The following CDH18 variants were observed in gnomAD, a reference collection of about 807,000 sequenced individuals.
CDH18 encodes the protein cadherin-18.
In CDH18, 31 loss-of-function variants were observed where a neutral mutation model predicts 67.9. The ratio of observed to expected loss-of-function variants is 0.46; its 90% confidence interval spans 0.34 to 0.62. CDH18 has a LOEUF of 0.62. Ranked by LOEUF, CDH18 falls within the 20% of genes least tolerant of loss-of-function variation. The pLI, the probability that CDH18 is intolerant of heterozygous loss-of-function variation, is 0.01. For missense variants in CDH18, 890 were observed against 975.5 expected (o/e 0.91, Z 1.17); for synonymous variants, 362 against 347.2 (o/e 1.04, Z -0.48).
intron 2 of CDH18, among the ~76,000 whole-genome samples, chr5:19,894,378 C>G (rs1283064364): frequency 6.7e-6 from 1 of 150,230 alleles, no homozygotes; most frequent in Non-Finnish European, 1.5e-5. Context: ...TTTCACATGT[C>G]TACTGAGTAT....
At chr5:20,359,085 C>CA (rs1741875477) in intron 1 of CDH18, among the ~76,000 whole-genome samples, 3 of 151,940 alleles carry the variant, frequency 2.0e-5, no homozygotes, top group Non-Finnish European at 4.4e-5. Flanking sequence ...GAGTGTGCCA[C>CA]CATGCCTAGC....
intron 2 of CDH18, among the ~76,000 whole-genome samples, chr5:19,975,316 T>C (rs537138980): frequency 6.6e-6 from 1 of 152,254 alleles, no homozygotes; most frequent in South Asian, 2.1e-4. Context: ...AATATACTTT[T>C]ATGTGTCATA....
At chr5:20,501,718 TG>T (rs1754340071) in intron 1 of CDH18, among the ~76,000 whole-genome samples, 1 of 4,496 alleles carries the variant, frequency 2.2e-4, no homozygotes, top group Non-Finnish European at 1.3e-3. Context: ...CTTAAGGATT[TG>T]TGTGTGTGTG....
chr5:20,182,597 C>CAAA (rs778083062), intron 2 of CDH18, among the ~76,000 whole-genome samples: 178 of 46,896 alleles, frequency 3.8e-3, no homozygotes, highest in East Asian at 8.5e-3. Context: ...AGCTAAATCT[C>CAAA]AAAAAAAAAA....
intron 1 of CDH18, among the ~76,000 whole-genome samples, chr5:20,389,153 G>A (rs1442189147): frequency 6.6e-6 from 1 of 152,098 alleles, no homozygotes; most frequent in African/African-American, 2.4e-5. Flanking sequence ...ACAGTGGGGT[G>A]TTAAAGTCTC....
chr5:20,104,129 G>T (rs934152299), intron 2 of CDH18, among the ~76,000 whole-genome samples: 2 of 150,834 alleles, frequency 1.3e-5, no homozygotes, highest in African/African-American at 4.9e-5. Context: ...AGATATATAT[G>T]CATGGCTATT....
intron 2 of CDH18, among the ~76,000 whole-genome samples, chr5:20,249,308 A>AT (rs1466551402): frequency 2.0e-5 from 3 of 151,700 alleles, no homozygotes; most frequent in Non-Finnish European, 4.4e-5. Flanking sequence ...AAATAAATAA[A>AT]TTTTTTTATT....
chr5:20,556,534 C>T (rs1757916978), intron 1 of CDH18, among the ~76,000 whole-genome samples: 1 of 152,116 alleles, frequency 6.6e-6, no homozygotes, highest in Non-Finnish European at 1.5e-5. Flanking sequence ...ACTACTGTAT[C>T]CTCAGATGCT....
chr5:20,279,259 T>C (rs1287910574), intron 1 of CDH18, among the ~76,000 whole-genome samples: 1 of 152,060 alleles, frequency 6.6e-6, no homozygotes, highest in Non-Finnish European at 1.5e-5. Context: ...TATATTTATA[T>C]AAGACAAAAT....
At chr5:20,567,682 CA>C in intron 1 of CDH18, among the ~76,000 whole-genome samples, 1 of 152,234 alleles carries the variant, frequency 6.6e-6, no homozygotes, top group South Asian at 2.1e-4. Context: ...ACTCTCTTGG[CA>C]GATCCTAATG....
chr5:19,539,762 A>G (rs1749955956), intron 9 of CDH18, among the ~76,000 whole-genome samples: 1 of 152,102 alleles, frequency 6.6e-6, no homozygotes, highest in Admixed American at 6.6e-5. Context: ...ATTCACTATG[A>G]CCAGAACAGC....
chr5:20,048,602 A>G (rs894943957), intron 2 of CDH18, among the ~76,000 whole-genome samples: 1 of 151,624 alleles, frequency 6.6e-6, no homozygotes, highest in African/African-American at 2.4e-5. Context: ...GGCGGTAATC[A>G]AATGACAGAG....
intron 1 of CDH18, among the ~76,000 whole-genome samples, chr5:20,290,326 T>C (rs1747010643): frequency 6.6e-6 from 1 of 152,160 alleles, no homozygotes; most frequent in African/African-American, 2.4e-5. Context: ...GGCATGCTTC[T>C]TATGCAGTAG....
intron 2 of CDH18, among the ~76,000 whole-genome samples, chr5:20,250,897 C>T (rs868608637): frequency 2.6e-5 from 4 of 152,050 alleles, no homozygotes; most frequent in African/African-American, 7.2e-5. Context: ...TGAGCAATGG[C>T]GCCCAGCCAG....
chr5:20,194,561 C>T (rs1399473600), intron 2 of CDH18, among the ~76,000 whole-genome samples: 1 of 152,004 alleles, frequency 6.6e-6, no homozygotes, highest in Non-Finnish European at 1.5e-5. Context: ...GGTTGAGGCT[C>T]AAGAAGAATG....
At chr5:20,229,076 T>C (rs775673632) in intron 2 of CDH18, among the ~76,000 whole-genome samples, 4 of 152,072 alleles carry the variant, frequency 2.6e-5, no homozygotes, top group Non-Finnish European at 4.4e-5. Flanking sequence ...TGCTATTTCA[T>C]TTTCTATGCC....
chr5:19,842,983 G>A (rs987719209), intron 2 of CDH18, among the ~76,000 whole-genome samples: 1 of 152,136 alleles, frequency 6.6e-6, no homozygotes, highest in African/African-American at 2.4e-5. Flanking sequence ...TCTGGCATTG[G>A]AACTTATGTT....
intron 3 of CDH18, among the ~76,000 whole-genome samples, chr5:19,794,360 A>C (rs972392356): frequency 6.6e-6 from 1 of 152,128 alleles, no homozygotes; most frequent in African/African-American, 2.4e-5. Context: ...AAGATGGAGA[A>C]AGGGTGAGTT....
intron 1 of CDH18, among the ~76,000 whole-genome samples, chr5:20,430,347 A>G (rs1242724191): frequency 2.0e-5 from 3 of 152,178 alleles, no homozygotes; most frequent in South Asian, 2.1e-4. Context: ...TGACATCACC[A>G]TCATTCACAG....
Sources: gnomAD v4.1 joint callset for allele counts (sites outside exome capture counted in the v4.1 genomes callset) on GRCh38, gnomAD v4.1.1 for gene constraint, MANE v1.5 for transcripts, NCBI Gene and HGNC (gene_info 2026-07-23, HGNC 2026-07-21) for gene names.